Variants in PTPN14 observed in about 807,000 individuals in gnomAD.
The protein encoded by PTPN14 is protein tyrosine phosphatase non-receptor type 14.
Under a neutral mutation model 126.8 loss-of-function variants are expected in PTPN14, and 53 were observed. The observed-to-expected ratio is 0.42, with a 90% CI of 0.34 to 0.53. The LOEUF (loss-of-function observed/expected upper bound fraction) is 0.53, where lower values mean the gene tolerates loss of function less well. Ranked by LOEUF, PTPN14 falls within the 20% of genes least tolerant of loss-of-function variation. The pLI, the probability that PTPN14 is intolerant of heterozygous loss-of-function variation, is 0.08. For synonymous variants in PTPN14, 630 were observed against 599.3 expected, an observed-to-expected ratio of 1.05 and a Z score of -0.75; for missense variants, 1,257 against 1,552.9, an observed-to-expected ratio of 0.81 and a Z score of 3.20.
chr1:214,376,664 G>C (rs1483765588), intron 14 of PTPN14, among the ~76,000 whole-genome samples: 1 of 152,148 alleles, frequency 6.6e-6, no homozygotes, highest in African/African-American at 2.4e-5. Flanking sequence ...GAACTAGCAA[G>C]AGTTGAAATT....
chr1:214,476,040 G>A (rs1293172855), intron 1 of PTPN14, among the ~76,000 whole-genome samples: 6 of 152,134 alleles, frequency 3.9e-5, no homozygotes, highest in East Asian at 3.9e-4. Flanking sequence ...CACCCACAGC[G>A]GACATTACTC....
chr1:214,377,389 AGGAG>A (rs1447748768), intron 14 of PTPN14, among the ~76,000 whole-genome samples: 1 of 152,190 alleles, frequency 6.6e-6, no homozygotes, highest in Non-Finnish European at 1.5e-5. Flanking sequence ...GGAGGGTGGA[AGGAG>A]GGAGAGGAGC....
At chr1:214,378,520 C>G (rs143231857) in intron 13 of PTPN14, among the ~76,000 whole-genome samples, 1 of 152,304 alleles carries the variant, frequency 6.6e-6, no homozygotes, top group East Asian at 1.9e-4. Context: ...ACAGACGGAA[C>G]GGAGCAAAAC....
chr1:214,351,749 G>A lies in PTPN14; in HGVS notation c.*6173C>T, dbSNP rs753929630. 1 of 152,234 alleles carries A rather than the reference G, an allele frequency of 6.6e-6. No individual in the cohort carries two copies. Among genetic ancestry groups the A allele is most frequent in the Non-Finnish European group, 1.5e-5 (1 of 68,052 alleles). 9.4% of individuals were successfully genotyped at this position (152,234 alleles called of 1,614,324 possible). ...AGACAGTTTAAAACTATGAGCTAGGGTGAAATAGACTCCAACACTGCTGCA... is the reference window on the plus strand; with the variant it reads ...AGACAGTTTAAAACTATGAGCTAGGATGAAATAGACTCCAACACTGCTGCA... On this transcript the variant is annotated 3_prime_UTR_variant, in exon 19 of 19. Transcript: ENST00000366956.
At chr1:214,432,051 G>A (rs1289451554) in intron 3 of PTPN14, among the ~76,000 whole-genome samples, 1 of 152,086 alleles carries the variant, frequency 6.6e-6, no homozygotes, top group Non-Finnish European at 1.5e-5. Context: ...CAGGCATGGT[G>A]GCACATGCCT....
intron 11 of PTPN14, 37 bp from the exon 12 acceptor site, chr1:214,386,959 G>C (rs781464466): frequency 6.6e-7 from 1 of 1,516,900 alleles, no homozygotes; most frequent in South Asian, 1.2e-5. Context: ...GGGAGGCCTG[G>C]GCAGACACGG....
In PTPN14 at chr1:214,431,877, A is replaced by G. The variant is rs1406378080; in HGVS notation, c.345-17151T>C. On this transcript the variant is annotated intron_variant, in intron 3 of 18. Transcript: ENST00000366956. ...CACTCATGAAATGTCAGGAGTCATC[A>G]TTGTTAATATTAAGAAAGATCAGCC... Among the ~76,000 whole-genome samples, 4 of 152,190 alleles carry G rather than the reference A, an allele frequency of 2.6e-5. No homozygotes were observed. In the East Asian group the frequency reaches 7.7e-4, roughly 29 times the overall value.
chr1:214,396,265 ACT>A (rs1483203122), intron 8 of PTPN14, among the ~76,000 whole-genome samples: 1 of 152,192 alleles, frequency 6.6e-6, no homozygotes, highest in African/African-American at 2.4e-5. Context: ...TAGCATGTTT[ACT>A]CTCTATGTCA....
chr1:214,511,054 T>G (rs63684061), intron 1 of PTPN14, among the ~76,000 whole-genome samples: 1 of 77,744 alleles, frequency 1.3e-5, no homozygotes, highest in Non-Finnish European at 2.2e-5. Context: ...AAGTCTTTGG[T>G]TTTTTTTTTT....
intron 13 of PTPN14, among the ~76,000 whole-genome samples, chr1:214,381,182 C>T (rs1658463663): frequency 1.3e-5 from 2 of 152,234 alleles, no homozygotes; most frequent in Non-Finnish European, 1.5e-5. Context: ...TGGCTACAGG[C>T]TATTTGTTTA....
At chr1:214,393,021 T>C (rs1301775421) in intron 10 of PTPN14, among the ~76,000 whole-genome samples, 1 of 152,162 alleles carries the variant, frequency 6.6e-6, no homozygotes, top group Non-Finnish European at 1.5e-5. Flanking sequence ...CTGAGGAACG[T>C]CTTTTGAAGG....
chr1:214,365,285 G>A (rs893273403), intron 17 of PTPN14, among the ~76,000 whole-genome samples: 5 of 152,202 alleles, frequency 3.3e-5, no homozygotes, highest in Admixed American at 2.0e-4. Flanking sequence ...GGCAACATGT[G>A]TGTGAGGTGG....
rs59796990 is a variant in PTPN14, at chr1:214,403,428, A to G, written c.511-475T>C. 7.2e-4 allele frequency among the ~76,000 whole-genome samples: 110 copies of G among 152,286 alleles called. No homozygotes were observed. The East Asian group carries it at 0.017, about 24-fold the overall frequency. ...AAACCACTGAAGGCAGAGTAGGCTC[A>G]TTCTGATGTTACTTGATGGTCACGG... is the stretch of plus-strand genomic sequence containing the variant. On this transcript the variant is annotated intron_variant, in intron 5 of 18. Transcript: ENST00000366956.
At chr1:214,402,828 C>T in intron 6 of PTPN14, 55 bp downstream of exon 6, 2 of 1,576,374 alleles carry the variant, frequency 1.3e-6, no homozygotes, top group Non-Finnish European at 1.7e-6. Context: ...CCTCCTGCCC[C>T]ATGGGCTGTA....
intron 3 of PTPN14, among the ~76,000 whole-genome samples, chr1:214,450,114 CAG>C (rs1240740346): frequency 6.7e-6 from 1 of 150,040 alleles, no homozygotes; most frequent in African/African-American, 2.5e-5. Flanking sequence ...GTGTAAGTGA[CAG>C]AGCAAGACTC....
chr1:214,418,687 C>A (rs1454114807), intron 3 of PTPN14, among the ~76,000 whole-genome samples: 4 of 152,260 alleles, frequency 2.6e-5, no homozygotes, highest in African/African-American at 9.6e-5. Context: ...GTCTGAGCTA[C>A]AGCATATGAG....
At chr1:214,481,912 A>G (rs1175600474) in intron 1 of PTPN14, among the ~76,000 whole-genome samples, 1 of 151,246 alleles carries the variant, frequency 6.6e-6, no homozygotes, top group African/African-American at 2.4e-5. Flanking sequence ...GCGTGAACCC[A>G]GGAGGCAGAG....
intron 1 of PTPN14, among the ~76,000 whole-genome samples, chr1:214,515,391 A>G (rs552587558): frequency 1.3e-5 from 2 of 152,222 alleles, no homozygotes. Flanking sequence ...GAGTTTTGAA[A>G]TTAGAAAATG....
chr1:214,537,279 A>T (rs1315402522), intron 1 of PTPN14, among the ~76,000 whole-genome samples: 1 of 152,184 alleles, frequency 6.6e-6, no homozygotes, highest in Non-Finnish European at 1.5e-5. Context: ...ACTAATGAGC[A>T]GAAGGGCTGC....
Sources: allele counts gnomAD v4.1 joint callset (sites outside exome capture counted in the v4.1 genomes callset), GRCh38; gene constraint gnomAD v4.1.1; transcripts MANE v1.5; gene names NCBI Gene and HGNC (gene_info 2026-07-23, HGNC 2026-07-21).